CPNE4: variants seen among roughly 807,000 people sequenced by gnomAD.
CPNE4 encodes the protein copine 4, also known as copine-4.
In CPNE4, 25 loss-of-function variants were observed where a neutral mutation model predicts 67.9. The ratio of observed to expected loss-of-function variants is 0.37; its 90% CI spans 0.27 to 0.51. The LOEUF is 0.51. CPNE4 is among the 20% of genes least tolerant of loss of function. The probability of loss-of-function intolerance (pLI) is 0.93; values close to 1 mark genes in which losing one functional copy is unlikely to be tolerated. For synonymous variants in CPNE4, 242 were observed against 244.9 expected (o/e 0.99, Z 0.11); for missense variants, 464 against 690.8 (o/e 0.67, Z 3.68).
chr3:131,605,391 TTCTC>T (rs1301827886), intron 7 of CPNE4, among the ~76,000 whole-genome samples: 22 of 152,084 alleles, frequency 1.4e-4, no homozygotes, highest in Non-Finnish European at 2.2e-4. Context: ...ACCCTCTTCC[TTCTC>T]TCTCTCTAGT....
intron 2 of CPNE4, among the ~76,000 whole-genome samples, chr3:131,879,637 C>T (rs1283691495): frequency 6.6e-6 from 1 of 152,068 alleles, no homozygotes; most frequent in African/African-American, 2.4e-5. Flanking sequence ...ATGATGACTA[C>T]AGACTCCCCT....
intron 1 of CPNE4, among the ~76,000 whole-genome samples, chr3:132,025,505 T>C (rs990683535): frequency 6.6e-6 from 1 of 152,156 alleles, no homozygotes; most frequent in Non-Finnish European, 1.5e-5. Flanking sequence ...GGGTAAATGA[T>C]TCAGTAGCTA....
At chr3:131,539,596 C>T (rs547340804) in intron 15 of CPNE4, among the ~76,000 whole-genome samples, 1 of 152,234 alleles carries the variant, frequency 6.6e-6, no homozygotes, top group South Asian at 2.1e-4. Context: ...ACAGAACAAG[C>T]ATTCTGTAAG....
At chr3:131,862,402 G>T (rs1450754290) in intron 2 of CPNE4, among the ~76,000 whole-genome samples, 1 of 152,054 alleles carries the variant, frequency 6.6e-6, no homozygotes, top group East Asian at 1.9e-4. Context: ...CACAGTTCCT[G>T]CTCTAGCTCA....
At position 131,861,499 on chromosome 3, in the gene CPNE4, C is replaced by T. The variant is rs371042245; in HGVS notation, c.180+43765G>A. On this transcript the variant is annotated intron_variant, in intron 2 of 15. Coordinates refer to ENST00000429747, the MANE Select transcript of CPNE4 (RefSeq NM_130808.3). The stretch of plus-strand genomic sequence containing the variant: ...AGGCTGGAGTGCAATGGCACGATCT[C>T]AGCTCATGGTAACCTCCCCCTCCCG... Among the ~76,000 whole-genome samples the T allele has an allele frequency of 3.6e-3, 545 of 151,664 alleles. 2 individuals are homozygous for T. The highest frequency in any genetic ancestry group is 0.013 in the African/African-American group (534 of 41,290).
At position 131,696,462 on chromosome 3, in the gene CPNE4, A is replaced by ACAG. The variant is rs1338011743; in HGVS notation, c.507+79_507+80insCTG. ...TGATAATGTGGGTGGAAAGGGAAAA[A>ACAG]TAGTTGCAGGGGGAAATCTGATTAA... On this transcript the variant is annotated intron_variant, in intron 5 of 15. Coordinates refer to ENST00000429747, the MANE Select transcript of CPNE4 (RefSeq NM_130808.3). The ACAG allele has an allele frequency of 2.2e-6, 3 of 1,348,196 alleles. No individual in the cohort carries two copies. In the African/African-American group the frequency reaches 4.3e-5, roughly 20 times the overall value. 83.5% of individuals were successfully genotyped at this position (1,348,196 alleles called of 1,614,324 possible).
At chr3:131,956,409 G>A (rs1294099272) in intron 1 of CPNE4, among the ~76,000 whole-genome samples, 1 of 151,920 alleles carries the variant, frequency 6.6e-6, no homozygotes, top group Non-Finnish European at 1.5e-5. Flanking sequence ...AAAGGATGTT[G>A]GTTTACTGAG....
At chr3:131,541,385 A>AT (rs1287472109) in intron 15 of CPNE4, among the ~76,000 whole-genome samples, 1 of 152,106 alleles carries the variant, frequency 6.6e-6, no homozygotes, top group East Asian at 1.9e-4. Context: ...GTTACTGAGC[A>AT]TTTTTTCTAT....
rs1470728806 is a variant in CPNE4 at position 131,546,683 on chromosome 3, C to T, written c.1302+3264G>A. On this transcript the variant is annotated intron_variant, in intron 14 of 15. Coordinates refer to ENST00000429747, the MANE Select transcript of CPNE4 (RefSeq NM_130808.3). ...CTATCCCTGAGGGAGTGAGTGATGG[C>T]CAAAAACTCATGCTGTTCTATATCA... is the stretch of plus-strand genomic sequence containing the variant. 3.9e-5 allele frequency among the ~76,000 whole-genome samples: 6 copies of T among 152,160 alleles called. No homozygotes were observed. The East Asian group carries it at 1.2e-3, about 29-fold the overall frequency.
chr3:131,978,202 TATATATAA>T (rs2072746640), intron 1 of CPNE4, among the ~76,000 whole-genome samples: 5 of 48,128 alleles, frequency 1.0e-4, no homozygotes, highest in African/African-American at 9.6e-4. Context: ...TTATAATTAT[TATATATAA>T]TATATATAAT....
intron 7 of CPNE4, among the ~76,000 whole-genome samples, chr3:131,604,739 G>A (rs1488255849): frequency 1.3e-5 from 2 of 151,702 alleles, no homozygotes; most frequent in South Asian, 2.1e-4. Context: ...TTGTGATTGG[G>A]TGAGTTAATA....
intron 1 of CPNE4, among the ~76,000 whole-genome samples, chr3:131,970,149 A>G (rs1312918137): frequency 2.0e-5 from 3 of 152,210 alleles, no homozygotes; most frequent in Non-Finnish European, 4.4e-5. Flanking sequence ...GAATCAGTAT[A>G]TGAGCTGCCA....
At chr3:131,535,761 A>G (rs1582741171) in intron 15 of CPNE4, among the ~76,000 whole-genome samples, 1 of 152,240 alleles carries the variant, frequency 6.6e-6, no homozygotes, top group East Asian at 1.9e-4. Flanking sequence ...GACACATGCT[A>G]TAGAGCAGCA....
chr3:131,656,759 G>T (rs1367895470), intron 7 of CPNE4, among the ~76,000 whole-genome samples: 2 of 152,190 alleles, frequency 1.3e-5, no homozygotes, highest in Non-Finnish European at 2.9e-5. Context: ...GGTGGTAAGT[G>T]CCATGAAGGA....
intron 14 of CPNE4, among the ~76,000 whole-genome samples, chr3:131,545,739 C>T (rs1935798446): frequency 6.6e-6 from 1 of 152,134 alleles, no homozygotes; most frequent in Admixed American, 6.6e-5. Flanking sequence ...AATTGGTTTA[C>T]TTTATAATAT....
At chr3:131,773,923 C>G (rs1460578874) in intron 2 of CPNE4, among the ~76,000 whole-genome samples, 3 of 152,010 alleles carry the variant, frequency 2.0e-5, no homozygotes, top group African/African-American at 7.2e-5. Context: ...GTTTCTTAAC[C>G]AAACTTACTT....
In CPNE4 at chr3:131,982,813, A is replaced by C. The variant is rs187999092; in HGVS notation, c.-2+51754T>G. Among the ~76,000 whole-genome samples the C allele has an allele frequency of 5.3e-3, 800 of 152,202 alleles. 10 individuals carry two copies. The highest frequency in any genetic ancestry group is 0.018 in the African/African-American group (749 of 41,564). ...TATGAAATACTTTAAATTGGCTTAT[A>C]ATAAGGAAACTTTAAATTGGCTTAC... On this transcript the variant is annotated intron_variant, in intron 1 of 15. Transcript: ENST00000429747.
intron 11 of CPNE4, among the ~76,000 whole-genome samples, chr3:131,563,015 A>T (rs1353295624): frequency 6.6e-6 from 1 of 152,026 alleles, no homozygotes; most frequent in Non-Finnish European, 1.5e-5. Flanking sequence ...GTTACTGGTG[A>T]TGACCAAGCT....
intron 8 of CPNE4, among the ~76,000 whole-genome samples, chr3:131,585,395 C>G (rs80318196): frequency 0.03 from 4,549 of 152,118 alleles, 201 homozygotes; most frequent in African/African-American, 0.1. Flanking sequence ...ATAAATAAGA[C>G]AATATTTCCC....
Sources: gnomAD v4.1 joint callset for allele counts (sites outside exome capture counted in the v4.1 genomes callset) on GRCh38, gnomAD v4.1.1 for gene constraint, MANE v1.5 for transcripts, NCBI Gene and HGNC (gene_info 2026-07-23, HGNC 2026-07-21) for gene names.